PGCKA1: variants seen among roughly 807,000 people sequenced by gnomAD.
The protein encoded by PGCKA1 is PDCD10 and GCKIII kinases associated 1.
At chr4:37,548,020 A>T in the PGCKA1 span, among the ~76,000 whole-genome samples, 1 of 133,430 alleles carries the variant, frequency 7.5e-6, no homozygotes, top group East Asian at 2.6e-4. Context: ...AAGGAAAAAA[A>T]AAGGGGGGGA....
the PGCKA1 span, among the ~76,000 whole-genome samples, chr4:37,502,193 T>C: frequency 6.6e-6 from 1 of 152,180 alleles, no homozygotes; most frequent in African/African-American, 2.4e-5. Flanking sequence ...TCCATCCTCA[T>C]TCACACATGC....
At chr4:37,470,157 T>A in the PGCKA1 span, among the ~76,000 whole-genome samples, 1 of 152,230 alleles carries the variant, frequency 6.6e-6, no homozygotes, top group Non-Finnish European at 1.5e-5. Context: ...TGTTTATGTT[T>A]CTTAATATCT....
the PGCKA1 span, among the ~76,000 whole-genome samples, chr4:37,526,909 G>T: frequency 6.6e-6 from 1 of 152,052 alleles, no homozygotes; most frequent in Non-Finnish European, 1.5e-5. Flanking sequence ...GGTCCTTCAG[G>T]AGGTATTCCA....
chr4:37,530,135 A>T, the PGCKA1 span, among the ~76,000 whole-genome samples: 1 of 152,242 alleles, frequency 6.6e-6, no homozygotes, highest in Admixed American at 6.5e-5. Flanking sequence ...ATTACACAGA[A>T]GGCATCTGAG....
chr4:37,507,415 C>T, the PGCKA1 span, among the ~76,000 whole-genome samples: 2 of 151,824 alleles, frequency 1.3e-5, no homozygotes, highest in Non-Finnish European at 2.9e-5. Flanking sequence ...GGCATTATTT[C>T]TTGATTTTTA....
the PGCKA1 span, among the ~76,000 whole-genome samples, chr4:37,513,166 G>A: frequency 2.0e-5 from 3 of 151,688 alleles, no homozygotes; most frequent in Admixed American, 2.0e-4. Context: ...GAGACTCTAA[G>A]AGATTAAACT....
chr4:37,556,562 G>T, the PGCKA1 span, among the ~76,000 whole-genome samples: 1 of 152,048 alleles, frequency 6.6e-6, no homozygotes, highest in African/African-American at 2.4e-5. Context: ...ACCACGCCCA[G>T]CCCCTTTATT....
chr4:37,467,293 T>C, the PGCKA1 span, among the ~76,000 whole-genome samples: 1 of 152,226 alleles, frequency 6.6e-6, no homozygotes, highest in Admixed American at 6.5e-5. Context: ...AGAAAATAGC[T>C]GGAAGAATAA....
the PGCKA1 span, among the ~76,000 whole-genome samples, chr4:37,541,640 G>A: frequency 6.6e-6 from 1 of 152,168 alleles, no homozygotes; most frequent in Non-Finnish European, 1.5e-5. Context: ...TGCATTATGT[G>A]TACACCTCAT....
At chr4:37,547,902 T>C in the PGCKA1 span, among the ~76,000 whole-genome samples, 4 of 150,392 alleles carry the variant, frequency 2.7e-5, no homozygotes, top group African/African-American at 9.8e-5. Context: ...TTTAACAGCG[T>C]AACATGTATT....
chr4:37,506,854 T>C, the PGCKA1 span, among the ~76,000 whole-genome samples: 5 of 152,164 alleles, frequency 3.3e-5, no homozygotes, highest in Non-Finnish European at 5.9e-5. Context: ...ATGTGGAAGA[T>C]CTGTCCAATG....
the PGCKA1 span, among the ~76,000 whole-genome samples, chr4:37,533,667 C>T: frequency 6.6e-6 from 1 of 152,136 alleles, no homozygotes; most frequent in Non-Finnish European, 1.5e-5. Context: ...ACTAAAGATC[C>T]TTCCAATATT....
chr4:37,501,346 A>C, the PGCKA1 span, among the ~76,000 whole-genome samples: 1 of 152,170 alleles, frequency 6.6e-6, no homozygotes, highest in South Asian at 2.1e-4. Flanking sequence ...CAACAGGGGC[A>C]TCAGATTCTC....
At chr4:37,549,534 G>T in the PGCKA1 span, among the ~76,000 whole-genome samples, 4 of 152,098 alleles carry the variant, frequency 2.6e-5, no homozygotes, top group African/African-American at 9.7e-5. Context: ...TAAACATAAA[G>T]TCCCCCCATG....
chr4:37,486,962 G>A, the PGCKA1 span, among the ~76,000 whole-genome samples: 4 of 152,126 alleles, frequency 2.6e-5, no homozygotes, highest in Admixed American at 2.0e-4. Flanking sequence ...TAAACCATAA[G>A]GAAAGCTACT....
chr4:37,495,038 A>T, the PGCKA1 span, among the ~76,000 whole-genome samples: 1 of 148,932 alleles, frequency 6.7e-6, no homozygotes, highest in Non-Finnish European at 1.5e-5. Flanking sequence ...AATTTACAAG[A>T]AAAAAAAAAC....
At chr4:37,459,951 CCCTGCATGCATTAGCTATTTAT>C in the PGCKA1 span, among the ~76,000 whole-genome samples, 1 of 151,944 alleles carries the variant, frequency 6.6e-6, no homozygotes, top group Non-Finnish European at 1.5e-5. Flanking sequence ...AGATATTAAG[CCCTGCATGCATTAGCTATTTAT>C]CCTGATACTC....
At chr4:37,524,050 CAT>C in the PGCKA1 span, among the ~76,000 whole-genome samples, 1 of 152,142 alleles carries the variant, frequency 6.6e-6, no homozygotes, top group East Asian at 1.9e-4. Flanking sequence ...GCTAAATTGG[CAT>C]TTACATTTCA....
chr4:37,464,396 C>T, the PGCKA1 span, among the ~76,000 whole-genome samples: 2 of 152,174 alleles, frequency 1.3e-5, no homozygotes, highest in Admixed American at 1.3e-4. Context: ...GGGACGCTAA[C>T]TACTCCTGGA....
Sources: allele counts gnomAD v4.1 joint callset (sites outside exome capture counted in the v4.1 genomes callset), GRCh38; gene constraint gnomAD v4.1.1; transcripts MANE v1.5; gene names NCBI Gene and HGNC (gene_info 2026-07-23, HGNC 2026-07-21).